The following ZNF469 variants were observed in gnomAD, a reference collection of about 807,000 sequenced individuals.
ZNF469 encodes zinc finger protein 469.
A neutral mutation model predicts 1.0 loss-of-function variants in ZNF469; 1 was observed. The observed-to-expected ratio is 1.00, with a 90% CI of 0.35 to 4.73. The LOEUF (loss-of-function observed/expected upper bound fraction) is 4.73. Among genes scored for constraint, ZNF469 ranks in the 30% most tolerant of loss-of-function variants. ZNF469 has a pLI of 0.16. For synonymous variants in ZNF469, 2,703 were observed against 2,363.4 expected, an observed-to-expected ratio of 1.14 and a Z score of -4.17; for missense variants, 6,100 against 5,356.3, an observed-to-expected ratio of 1.14 and a Z score of -4.33.
the ZNF469 span, among the ~76,000 whole-genome samples, chr16:88,236,083 C>T: frequency 1.3e-5 from 2 of 152,190 alleles, no homozygotes; most frequent in Admixed American, 6.5e-5. Context: ...GACCAAAGTT[C>T]GTATTCTGTA....
the ZNF469 span, among the ~76,000 whole-genome samples, chr16:88,375,161 T>G: frequency 3.3e-5 from 5 of 152,214 alleles, no homozygotes; most frequent in African/African-American, 1.2e-4. Context: ...GCGTGGAAAT[T>G]TGGGAACTTG....
chr16:88,311,278 G>C, the ZNF469 span, among the ~76,000 whole-genome samples: 3 of 152,184 alleles, frequency 2.0e-5, no homozygotes, highest in Admixed American at 6.5e-5. Context: ...CCACCTGGCT[G>C]AGGCCTCACT....
chr16:88,261,760 C>G, the ZNF469 span, among the ~76,000 whole-genome samples: 4 of 152,286 alleles, frequency 2.6e-5, no homozygotes, highest in African/African-American at 9.6e-5. The surrounding 1 kb of genome is among the most constrained non-coding windows in gnomAD (Gnocchi z 6.0). Flanking sequence ...TCGGTTAACT[C>G]CCCTTCCCGT....
chr16:88,407,778 G>T (rs1251883066), intron 1 of ZNF469, among the ~76,000 whole-genome samples: 2 of 152,250 alleles, frequency 1.3e-5, no homozygotes, highest in East Asian at 3.9e-4. Context: ...CTCAGACGCT[G>T]CCTTCTGTGA....
At chr16:88,239,606 G>C in the ZNF469 span, among the ~76,000 whole-genome samples, 3 of 140,432 alleles carry the variant, frequency 2.1e-5, no homozygotes, top group Non-Finnish European at 4.6e-5. Context: ...TCCTGCCTCA[G>C]CCTCCCGAGT....
At chr16:88,152,747 C>T in the ZNF469 span, among the ~76,000 whole-genome samples, 1 of 152,106 alleles carries the variant, frequency 6.6e-6, no homozygotes, top group Non-Finnish European at 1.5e-5. The surrounding 1 kb of genome is among the most constrained non-coding windows in gnomAD (Gnocchi z 4.2). Flanking sequence ...AGAAACTGTC[C>T]CTTTCTGGGA....
At chr16:88,345,125 T>C in the ZNF469 span, among the ~76,000 whole-genome samples, 1 of 152,184 alleles carries the variant, frequency 6.6e-6, no homozygotes, top group Non-Finnish European at 1.5e-5. Context: ...CCCGAGGTCA[T>C]AGGGCATGTT....
chr16:88,363,948 T>TA, the ZNF469 span, among the ~76,000 whole-genome samples: 1 of 152,228 alleles, frequency 6.6e-6, no homozygotes, highest in Non-Finnish European at 1.5e-5. Context: ...TCTCACTCTC[T>TA]AATGGTGTCT....
At chr16:88,185,772 G>T in the ZNF469 span, among the ~76,000 whole-genome samples, 3 of 59,654 alleles carry the variant, frequency 5.0e-5, no homozygotes, top group African/African-American at 2.0e-4. Context: ...AGACACATTC[G>T]CACACTCACA....
At chr16:88,206,787 G>A in the ZNF469 span, among the ~76,000 whole-genome samples, 1 of 147,080 alleles carries the variant, frequency 6.8e-6, no homozygotes, top group Non-Finnish European at 1.5e-5. Context: ...GTATCTCTGT[G>A]GGAACGGAAG....
At chr16:88,256,896 T>TCTCTC in the ZNF469 span, among the ~76,000 whole-genome samples, 11 of 27,152 alleles carry the variant, frequency 4.1e-4, no homozygotes, top group African/African-American at 1.3e-3. Context: ...TTTTCTTTCC[T>TCTCTC]TCTTTCTTTC....
chr16:88,425,216 G>A (rs949700968), intron 2 of ZNF469, among the ~76,000 whole-genome samples: 1 of 152,170 alleles, frequency 6.6e-6, no homozygotes, highest in Admixed American at 6.5e-5. Context: ...CCAGGACTCC[G>A]TAAAGGCCAC....
chr16:88,429,172 C>T lies in ZNF469; in HGVS notation c.1702C>T (p.Pro568Ser). The T allele has an allele frequency of 6.5e-7, 1 of 1,549,938 alleles. No individual in the cohort carries two copies. The highest frequency in any genetic ancestry group is 2.4e-5 in the East Asian group (1 of 40,900). The stretch of plus-strand genomic sequence containing the variant: ...GCCCCTGTTCTTCGGGGTGGCCCAG[C>T]CCCAGGTTTCACCCCACGGGACACC... ...AQPLFFGVAQ[P>S]QVSPHGTPSL... Residue 568 changes from proline to serine, a missense_variant, in exon 3 of 3, where the codon CCC becomes TCC. Transcript: ENST00000565624.
the ZNF469 span, among the ~76,000 whole-genome samples, chr16:88,340,156 G>A: frequency 2.0e-5 from 3 of 152,146 alleles, no homozygotes; most frequent in Non-Finnish European, 4.4e-5. Flanking sequence ...TGGCTGAGCC[G>A]GCACAGAGGT....
the ZNF469 span, chr16:88,234,808 G>T: frequency 6.6e-6 from 1 of 152,238 alleles, no homozygotes; most frequent in African/African-American, 2.4e-5. Flanking sequence ...GCCAGGCCTC[G>T]TTCCCATCAG....
the ZNF469 span, among the ~76,000 whole-genome samples, chr16:88,149,934 G>A: frequency 6.6e-6 from 1 of 152,192 alleles, no homozygotes; most frequent in Admixed American, 6.5e-5. Context: ...CAGCTTTGCT[G>A]TGCTCCCCAT....
rs761152033 is a variant in ZNF469, at chr16:88,429,802, G to T, written c.2332G>T (p.Ala778Ser). The T allele has an allele frequency of 1.3e-6, 2 of 1,544,126 alleles. No individual in the cohort carries two copies. Among genetic ancestry groups the T allele is most frequent in the Non-Finnish European group, 1.7e-6 (2 of 1,143,528 alleles). ...PGPPGLPSPP[A>S]APRVPADAHA... ...CCCCCCTGGGCTCCCCTCGCCCCCC[G>T]CTGCCCCCAGAGTCCCTGCCGACGC... The change falls in exon 3 of 3, where the codon GCT (alanine) becomes TCT (serine). Residue 778 changes from alanine to serine, a missense_variant. Ala to Ser is a moderately conservative substitution (Grantham distance 99, BLOSUM62 1). Transcript: ENST00000565624.
the ZNF469 span, among the ~76,000 whole-genome samples, chr16:88,158,599 CT>C: frequency 6.6e-6 from 1 of 152,348 alleles, no homozygotes; most frequent in South Asian, 2.1e-4. Context: ...GCTGGACAAC[CT>C]GGCTGAAGCC....
Position 88,429,621 on chromosome 16 carries a change from C to T in ZNF469, c.2151C>T (p.Phe717=), listed in dbSNP as rs1167264755. The T allele has an allele frequency of 1.9e-6, 3 of 1,546,154 alleles. No homozygotes were observed. The highest frequency in any genetic ancestry group is 8.7e-7 in the Non-Finnish European group (1 of 1,144,182). The change falls in exon 3 of 3, where the codon TTC becomes TTT. Residue 717 remains phenylalanine, a synonymous_variant. Coordinates refer to ENST00000565624, the MANE Select transcript of ZNF469 (RefSeq NM_001367624.2). Reference sequence around the variant, plus strand: ...CGCCTCCGTACCCCACACACCACTTCTCCCTCAGCAGCGCCAGCCTGGACC... The same window carrying T: ...CGCCTCCGTACCCCACACACCACTTTTCCCTCAGCAGCGCCAGCCTGGACC... ...RAPPPYPTHH[F]SLSSASLDQL... is the part of the protein sequence containing the mutation.
Sources: gnomAD v4.1 joint callset for allele counts (sites outside exome capture counted in the v4.1 genomes callset) on GRCh38, gnomAD v4.1.1 for gene constraint, Gnocchi (gnomAD v3.1) non-coding constraint, MANE v1.5 for transcripts, NCBI Gene and HGNC (gene_info 2026-07-23, HGNC 2026-07-21) for gene names.